SLC14A2: variants seen among roughly 807,000 people sequenced by gnomAD.
SLC14A2 encodes the protein urea transporter 2.
SLC14A2 carries 91 observed loss-of-function variants against 104.6 expected under a neutral mutation model. The observed-to-expected ratio is 0.87, with a 90% confidence interval of 0.73 to 1.04. SLC14A2 has a LOEUF of 1.04. SLC14A2 is among the 50% of genes least tolerant of loss of function. The pLI, the probability that SLC14A2 is intolerant of heterozygous loss-of-function variation, is 0.00. For missense variants in SLC14A2, 1,189 were observed against 1,156.0 expected (o/e 1.03, Z -0.41); for synonymous variants, 476 against 466.4 (o/e 1.02, Z -0.27).
chr18:45,414,740 A>G (rs182340838), intron 1 of SLC14A2, among the ~76,000 whole-genome samples: 2 of 117,918 alleles, frequency 1.7e-5, no homozygotes, highest in Admixed American at 1.8e-4. Flanking sequence ...CAAGGCACCG[A>G]GCGTAAAAAA....
intron 2 of SLC14A2, among the ~76,000 whole-genome samples, chr18:45,594,985 C>T (rs984108604): frequency 6.6e-6 from 1 of 152,140 alleles, no homozygotes; most frequent in African/African-American, 2.4e-5. Context: ...TGACTGCTTC[C>T]TTCTCCGGAA....
the SLC14A2 span, among the ~76,000 whole-genome samples, chr18:45,198,665 G>A: frequency 4.6e-5 from 7 of 151,886 alleles, no homozygotes; most frequent in African/African-American, 1.7e-4. Context: ...ACACAGCTTT[G>A]TAAGTTAGGC....
At chr18:45,499,851 G>A (rs1027178208) in intron 2 of SLC14A2, among the ~76,000 whole-genome samples, 1 of 152,182 alleles carries the variant, frequency 6.6e-6, no homozygotes, top group African/African-American at 2.4e-5. Flanking sequence ...AATAATGAAT[G>A]TGGAGGGACT....
chr18:45,511,703 AC>A (rs2043367925), intron 2 of SLC14A2, among the ~76,000 whole-genome samples: 1 of 152,326 alleles, frequency 6.6e-6, no homozygotes, highest in Admixed American at 6.5e-5. Flanking sequence ...GAAACTACAT[AC>A]AAAGGGAAGA....
At chr18:45,612,068 G>T (rs2044981531), upstream of SLC14A2, among the ~76,000 whole-genome samples, 1 of 152,194 alleles carries the variant, frequency 6.6e-6, no homozygotes, top group Admixed American at 6.5e-5. Flanking sequence ...GGGGCTCCTG[G>T]CTGTCTCCTA....
intron 1 of SLC14A2, among the ~76,000 whole-genome samples, chr18:45,382,393 C>T (rs1181033928): frequency 2.0e-5 from 3 of 152,112 alleles, no homozygotes; most frequent in Non-Finnish European, 4.4e-5. Flanking sequence ...GGGTCAAGGA[C>T]AATGGGATTT....
chr18:45,649,847 C>T (rs1437328265), intron 10 of SLC14A2, among the ~76,000 whole-genome samples: 1 of 152,228 alleles, frequency 6.6e-6, no homozygotes, highest in African/African-American at 2.4e-5. Flanking sequence ...TTGTGAATAA[C>T]CTGTTCTTTC....
At chr18:45,425,209 C>T (rs1027318795) in intron 1 of SLC14A2, among the ~76,000 whole-genome samples, 1 of 152,182 alleles carries the variant, frequency 6.6e-6, no homozygotes, top group Admixed American at 6.5e-5. Context: ...ATATTCCATC[C>T]AAATGCTGAC....
upstream of SLC14A2, among the ~76,000 whole-genome samples, chr18:45,209,022 G>C (rs1327580958): frequency 1.1e-5 from 1 of 94,592 alleles, no homozygotes; most frequent in Non-Finnish European, 2.2e-5. Flanking sequence ...AAATTAACAG[G>C]CATTTAAAAA....
chr18:45,517,737 T>C (rs958215665), intron 2 of SLC14A2, among the ~76,000 whole-genome samples: 5 of 152,234 alleles, frequency 3.3e-5, no homozygotes, highest in African/African-American at 9.6e-5. Flanking sequence ...CTTTCTGTCC[T>C]TTTGGCTGAT....
At chr18:45,497,675 T>C (rs1054133521) in intron 2 of SLC14A2, among the ~76,000 whole-genome samples, 4 of 152,114 alleles carry the variant, frequency 2.6e-5, no homozygotes, top group Non-Finnish European at 4.4e-5. Context: ...GAACAACCAG[T>C]AGGCATGGTG....
intron 1 of SLC14A2, among the ~76,000 whole-genome samples, chr18:45,367,364 T>C (rs2085676487): frequency 1.3e-5 from 2 of 152,218 alleles, no homozygotes. Context: ...TGCCTCCTTA[T>C]ATCTTTCTCC....
At chr18:45,318,237 C>T (rs887348509) in intron 1 of SLC14A2, among the ~76,000 whole-genome samples, 1 of 152,042 alleles carries the variant, frequency 6.6e-6, no homozygotes, top group Non-Finnish European at 1.5e-5. Flanking sequence ...GGCTTGGGGT[C>T]CAGCCTAGAC....
At chr18:45,556,400 A>C (rs549162855) in intron 2 of SLC14A2, among the ~76,000 whole-genome samples, 298 of 152,226 alleles carry the variant, frequency 2.0e-3, no homozygotes, top group African/African-American at 6.8e-3. Context: ...ATCTTATCAA[A>C]CCCTACCCAT....
At chr18:45,450,883 G>A (rs1201007821) in intron 1 of SLC14A2, among the ~76,000 whole-genome samples, 2 of 152,288 alleles carry the variant, frequency 1.3e-5, no homozygotes, top group Non-Finnish European at 2.9e-5. Flanking sequence ...AGAGAATAAA[G>A]GGTCCATCAT....
intron 1 of SLC14A2, among the ~76,000 whole-genome samples, chr18:45,450,749 G>A (rs1211844298): frequency 6.6e-6 from 1 of 152,222 alleles, no homozygotes; most frequent in African/African-American, 2.4e-5. Context: ...CTCTGTGCTT[G>A]TCTTAGTTTG....
At chr18:45,207,128 G>GA in the SLC14A2 span, among the ~76,000 whole-genome samples, 1 of 152,080 alleles carries the variant, frequency 6.6e-6, no homozygotes, top group Non-Finnish European at 1.5e-5. Context: ...GTGTGCTCTA[G>GA]AAAAAATGGT....
intron 8 of SLC14A2, among the ~76,000 whole-genome samples, chr18:45,642,038 G>A (rs771879169): frequency 6.6e-6 from 1 of 152,220 alleles, no homozygotes; most frequent in Non-Finnish European, 1.5e-5. Flanking sequence ...ATGAGGCTCA[G>A]AGGGGCTAAT....
At chr18:45,240,891 C>T (rs1468769096) in intron 1 of SLC14A2, among the ~76,000 whole-genome samples, 1 of 152,066 alleles carries the variant, frequency 6.6e-6, no homozygotes, top group Non-Finnish European at 1.5e-5. Flanking sequence ...AACACCTGAC[C>T]TGGTGATTCG....
Sources: gnomAD v4.1 joint callset for allele counts (sites outside exome capture counted in the v4.1 genomes callset) on GRCh38, gnomAD v4.1.1 for gene constraint, MANE v1.5 for transcripts, NCBI Gene and HGNC (gene_info 2026-07-23, HGNC 2026-07-21) for gene names.